MCF2L2: variants seen among roughly 807,000 people sequenced by gnomAD.
MCF2L2 encodes MCF.2 cell line derived transforming sequence-like 2.
Under a neutral mutation model 150.2 loss-of-function variants are expected in MCF2L2, and 102 were observed. That is an observed-to-expected ratio of 0.68 (90% CI 0.58 to 0.80). The LOEUF (loss-of-function observed/expected upper bound fraction) is 0.80, where lower values mean the gene tolerates loss of function less well. Ranked by LOEUF, MCF2L2 falls within the 30% of genes least tolerant of loss-of-function variation. The probability of loss-of-function intolerance (pLI) is 0.00; values close to 1 mark genes in which losing one functional copy is unlikely to be tolerated. For missense variants in MCF2L2, 1,256 were observed against 1,372.8 expected (o/e 0.91, Z 1.34); for synonymous variants, 465 against 491.3 (o/e 0.95, Z 0.71).
At chr3:183,308,910 G>A (rs58356062) in intron 10 of MCF2L2, among the ~76,000 whole-genome samples, 4,055 of 152,218 alleles carry the variant, frequency 0.027, 177 homozygotes, top group African/African-American at 0.092. Context: ...GCTAAGAAAG[G>A]AAGCGCTAAC....
chr3:183,179,682 A>C lies in MCF2L2; in HGVS notation c.3116T>G (p.Leu1039Arg), dbSNP rs757630272. ...KESSALSLAG[L>R]FQSDDSHETC... ...TTCGTGACTGTCGTCCGACTGGAAA[A>C]GGCCCGCGAGCTGGAAGGGAGGGGA... Residue 1039 changes from leucine (L) to arginine (R), a missense_variant, in exon 29 of 30, where the codon CTT (leucine) becomes CGT (arginine). Transcript: ENST00000328913. The surrounding 1 kb of genome is among the most constrained non-coding windows in gnomAD (Gnocchi z 4.2). 1.9e-6 allele frequency: 3 copies of C among 1,613,696 alleles called. No individual in the cohort carries two copies. The East Asian group carries it at 6.7e-5, about 36-fold the overall frequency.
intron 6 of MCF2L2, among the ~76,000 whole-genome samples, chr3:183,322,870 G>A (rs1054099014): frequency 8.5e-5 from 13 of 152,062 alleles, no homozygotes; most frequent in African/African-American, 2.4e-4. Flanking sequence ...ATGTATGTAC[G>A]TTAGAATCAT....
chr3:183,318,499 G>T (rs1729689115), intron 6 of MCF2L2, among the ~76,000 whole-genome samples: 1 of 152,166 alleles, frequency 6.6e-6, no homozygotes, highest in African/African-American at 2.4e-5. Context: ...CGATCTTTAA[G>T]ATTCCTTTGA....
At chr3:183,328,596 A>G (rs560204315) in intron 5 of MCF2L2, among the ~76,000 whole-genome samples, 174 of 152,272 alleles carry the variant, frequency 1.1e-3, no homozygotes, top group Non-Finnish European at 1.6e-4. Context: ...TCTCAGAGAA[A>G]TTTTAGGAGA....
At chr3:183,420,093 C>A (rs2108632043) in intron 1 of MCF2L2, among the ~76,000 whole-genome samples, 1 of 152,324 alleles carries the variant, frequency 6.6e-6, no homozygotes, top group East Asian at 1.9e-4. Flanking sequence ...TTGTGCATAT[C>A]ATTATCAACA....
At chr3:183,228,829 T>C (rs1375587917) in intron 17 of MCF2L2, among the ~76,000 whole-genome samples, 1 of 152,182 alleles carries the variant, frequency 6.6e-6, no homozygotes, top group African/African-American at 2.4e-5. Context: ...TTGCTATTAC[T>C]AATATCATTG....
chr3:183,257,994 G>A (rs953033791), intron 15 of MCF2L2, among the ~76,000 whole-genome samples: 4 of 96,246 alleles, frequency 4.2e-5, no homozygotes, highest in African/African-American at 5.5e-5. Context: ...TTGAGACGGA[G>A]TCTCGCTCTG....
chr3:183,331,644 T>G (rs1206372940), intron 5 of MCF2L2, among the ~76,000 whole-genome samples: 3 of 152,222 alleles, frequency 2.0e-5, no homozygotes, highest in Non-Finnish European at 2.9e-5. Flanking sequence ...TTTACAAGAC[T>G]GCCTTGGTGA....
At chr3:183,260,647 C>T (rs1001299114) in intron 15 of MCF2L2, among the ~76,000 whole-genome samples, 1 of 152,114 alleles carries the variant, frequency 6.6e-6, no homozygotes, top group Admixed American at 6.6e-5. Flanking sequence ...CCCATTTGTT[C>T]ATTTGAAATT....
chr3:183,408,563 G>A (rs779782541), intron 1 of MCF2L2, among the ~76,000 whole-genome samples: 7 of 152,172 alleles, frequency 4.6e-5, no homozygotes, highest in African/African-American at 1.2e-4. Flanking sequence ...CCCAGCTCCC[G>A]CAGGCCTTCA....
At chr3:183,352,376 A>T (rs1349502738) in intron 3 of MCF2L2, among the ~76,000 whole-genome samples, 1 of 152,226 alleles carries the variant, frequency 6.6e-6, no homozygotes, top group Non-Finnish European at 1.5e-5. Flanking sequence ...TGAAAAAATT[A>T]GCCGGGCATG....
intron 6 of MCF2L2, among the ~76,000 whole-genome samples, chr3:183,318,448 C>T (rs751220233): frequency 5.9e-5 from 9 of 152,132 alleles, no homozygotes; most frequent in South Asian, 2.1e-4. Flanking sequence ...TTACACTGAA[C>T]GTCAGTTTAT....
intron 3 of MCF2L2, among the ~76,000 whole-genome samples, chr3:183,369,498 C>T (rs1712736655): frequency 6.6e-6 from 1 of 152,138 alleles, no homozygotes; most frequent in Admixed American, 6.5e-5. Context: ...ACATGAGACC[C>T]ATGAAGGGGC....
Position 183,179,472 on chromosome 3 carries a change from C to G in MCF2L2, c.3253G>C (p.Gly1085Arg). ...ATRSTEEERA[G>R]ASTGRLAPAG... The stretch of plus-strand genomic sequence containing the variant: ...GGAGCCAGCCGGCCCGTGGACGCCC[C>G]AGCGCGCTCCTCCTCGGTGCTGCGG... The change falls in exon 30 of 30, where the codon GGG becomes CGG. Residue 1085 changes from glycine (G) to arginine (R), a missense_variant. Coordinates refer to ENST00000328913, the MANE Select transcript of MCF2L2 (RefSeq NM_015078.4). The surrounding 1 kb of genome is among the most constrained non-coding windows in gnomAD (Gnocchi z 4.2). 6.2e-7 allele frequency: 1 copy of G among 1,603,378 alleles called. No homozygotes were observed. Among genetic ancestry groups the G allele is most frequent in the East Asian group, 2.2e-5 (1 of 44,668 alleles).
chr3:183,300,677 A>T (rs897114783), intron 10 of MCF2L2, among the ~76,000 whole-genome samples: 1 of 152,130 alleles, frequency 6.6e-6, no homozygotes, highest in Non-Finnish European at 1.5e-5. Context: ...AACACTGGTG[A>T]AAATTGGATT....
rs62293262 is a variant in MCF2L2 at position 183,200,440 on chromosome 3, G to A, written c.2885-5185C>T. On this transcript the variant is annotated intron_variant, in intron 25 of 29. Transcript: ENST00000328913. The stretch of plus-strand genomic sequence containing the variant: ...AAATGTCTTCTTTTGAGAAGTGACC[G>A]TTCATATCTTTTGCCCACTTTTTGA... Among the ~76,000 whole-genome samples the A allele has an allele frequency of 2.4e-3, 361 of 152,276 alleles. 2 individuals are homozygous for A. The highest frequency in any genetic ancestry group is 3.9e-3 in the South Asian group (19 of 4,824).
At chr3:183,232,111 A>C (rs1166825411) in intron 15 of MCF2L2, among the ~76,000 whole-genome samples, 1 of 152,240 alleles carries the variant, frequency 6.6e-6, no homozygotes, top group Non-Finnish European at 1.5e-5. Flanking sequence ...AGCATAAAAA[A>C]GATTCAACAC....
chr3:183,335,414 A>G (rs1327064664), intron 5 of MCF2L2, among the ~76,000 whole-genome samples: 3 of 152,218 alleles, frequency 2.0e-5, no homozygotes, highest in Admixed American at 1.3e-4. Flanking sequence ...CTAAACATAC[A>G]TATACACTAT....
At chr3:183,381,835 T>C (rs1408072803) in intron 2 of MCF2L2, among the ~76,000 whole-genome samples, 2 of 152,228 alleles carry the variant, frequency 1.3e-5, no homozygotes, top group East Asian at 3.8e-4. Context: ...TTTCATCTAA[T>C]AATATTCTTC....
Sources: gnomAD v4.1 joint callset for allele counts (sites outside exome capture counted in the v4.1 genomes callset) on GRCh38, gnomAD v4.1.1 for gene constraint, Gnocchi (gnomAD v3.1) non-coding constraint, MANE v1.5 for transcripts, NCBI Gene and HGNC (gene_info 2026-07-23, HGNC 2026-07-21) for gene names.